The following EGLN1 variants were observed in gnomAD, a reference collection of about 807,000 sequenced individuals.
The protein encoded by EGLN1 is egl-9 family hypoxia inducible factor 1, also known as egl nine homolog 1.
Under a neutral mutation model 38.3 loss-of-function variants are expected in EGLN1, and 17 were observed. The observed-to-expected ratio is 0.44, with a 90% CI of 0.30 to 0.67. The LOEUF is 0.67. Among genes scored for constraint, EGLN1 ranks in the 30% least tolerant of loss-of-function variants. EGLN1 has a pLI of 0.08. For missense variants in EGLN1, 477 were observed against 603.3 expected, an observed-to-expected ratio of 0.79 and a Z score of 2.19; for synonymous variants, 283 against 257.5, an observed-to-expected ratio of 1.10 and a Z score of -0.95.
At chr1:231,391,501 G>A (rs1452801094) in intron 1 of EGLN1, among the ~76,000 whole-genome samples, 1 of 151,998 alleles carries the variant, frequency 6.6e-6, no homozygotes, top group Non-Finnish European at 1.5e-5. Flanking sequence ...AGACATTTCA[G>A]ACAGGATTAA....
chr1:231,366,249 G>A lies in EGLN1; in HGVS notation c.*162C>T. The A allele has an allele frequency of 1.4e-6, 1 of 722,920 alleles. No homozygotes were observed. The highest frequency in any genetic ancestry group is 2.4e-6 in the Non-Finnish European group (1 of 417,170). 44.8% of individuals were successfully genotyped at this position (722,920 alleles called of 1,614,324 possible). A position where few individuals can be genotyped will look rare whatever the true frequency, so the allele number is the denominator to read the frequency against. ...GATCATGCAGTACAAAGTCACAGCA[G>A]TCAAAATCTTCTGTTTGATGCAACA... On this transcript the variant is annotated 3_prime_UTR_variant, in exon 5 of 5. Transcript: ENST00000366641.
chr1:231,366,432 C>T lies in EGLN1; in HGVS notation c.1260G>A (p.Ser420=), dbSNP rs149179666. 3 of 1,613,834 alleles carry T rather than the reference C, an allele frequency of 1.9e-6. No individual in the cohort carries two copies. Among genetic ancestry groups the T allele is most frequent in the Admixed American group, 1.7e-5 (1 of 60,008 alleles). ...VRVELNKPSD[S]VGKDVF ...GGCTCTAGAAGACGTCTTTACCGAC[C>T]GAATCTGAAGGTTTATTGAGTTCAA... The change falls in exon 5 of 5, where the codon TCG becomes TCA. Residue 420 remains serine, a synonymous_variant. Transcript: ENST00000366641.
chr1:231,408,247 C>CT (rs1370876614), intron 1 of EGLN1, among the ~76,000 whole-genome samples: 1 of 152,082 alleles, frequency 6.6e-6, no homozygotes, highest in African/African-American at 2.4e-5. Flanking sequence ...ATCTGCATTG[C>CT]TGGGGAGGAG....
chr1:231,410,309 C>T (rs1217107110), intron 1 of EGLN1, among the ~76,000 whole-genome samples: 1 of 152,160 alleles, frequency 6.6e-6, no homozygotes, highest in Non-Finnish European at 1.5e-5. Context: ...GGGAAGCCCA[C>T]GTGGCAAGAA....
rs765754091 is a variant in EGLN1 at position 231,366,388 on chromosome 1, G to A, written c.*23C>T. 1.6e-5 allele frequency: 25 copies of A among 1,610,230 alleles called. No individual in the cohort carries two copies. The South Asian group carries it at 2.4e-4, about 16-fold the overall frequency. On this transcript the variant is annotated 3_prime_UTR_variant, in exon 5 of 5. Coordinates refer to ENST00000366641, the MANE Select transcript of EGLN1 (RefSeq NM_022051.3). ...TAGTTAACAATATTGTAGGTGAAGT[G>A]GGGTATTGCTGGATCAAAGGCTCTA...
intron 1 of EGLN1, among the ~76,000 whole-genome samples, chr1:231,404,572 G>A (rs762737479): frequency 2.6e-5 from 4 of 151,886 alleles, no homozygotes; most frequent in Non-Finnish European, 5.9e-5. Context: ...GAGGTCATGA[G>A]TTCAAGACCA....
chr1:231,371,390 G>C (rs568461721), intron 2 of EGLN1, among the ~76,000 whole-genome samples: 2 of 152,212 alleles, frequency 1.3e-5, no homozygotes, highest in South Asian at 4.2e-4. Context: ...ATGTCAAATA[G>C]TTTACCATAC....
chr1:231,379,281 C>T (rs1176224124), intron 1 of EGLN1, among the ~76,000 whole-genome samples: 4 of 152,158 alleles, frequency 2.6e-5, no homozygotes, highest in African/African-American at 9.7e-5. Context: ...GCCTAATGCC[C>T]AATTCTCCCA....
rs56105761 is a variant in EGLN1, at chr1:231,396,761, C to G, written c.892-22662G>C. On this transcript the variant is annotated intron_variant, in intron 1 of 4. Transcript: ENST00000366641. ...ATTTGTCTGTCTTCCCTGGCCTTCA[C>G]ATTACTCTTCTTCATGTATTATTTC... Among the ~76,000 whole-genome samples, 997 of 152,316 alleles carry G rather than the reference C, an allele frequency of 6.5e-3. 8 individuals carry two copies. The highest frequency in any genetic ancestry group is 9.9e-3 in the Non-Finnish European group (673 of 68,030).
chr1:231,419,413 G>A (rs559566735), intron 1 of EGLN1, among the ~76,000 whole-genome samples: 9 of 152,206 alleles, frequency 5.9e-5, no homozygotes, highest in Non-Finnish European at 8.8e-5. Context: ...GAAAGATTTG[G>A]GACATCATCT....
At position 231,373,677 on chromosome 1, in the gene EGLN1, CGTGT is replaced by C. The variant is rs60871560; in HGVS notation, c.1011+299_1011+302del. On this transcript the variant is annotated intron_variant, in intron 2 of 4. Transcript: ENST00000366641. ...TTCCCTTCCCCTAACCTCGTGTGTG[CGTGT>C]GTGTGTGTGTGTGTGTGTGTGTATG... Among the ~76,000 whole-genome samples, 379 of 91,144 alleles carry C rather than the reference CGTGT, an allele frequency of 4.2e-3. 1 individual carries two copies. The highest frequency in any genetic ancestry group is 7.1e-3 in the African/African-American group (200 of 28,344). 59.8% of individuals were successfully genotyped at this position (91,144 alleles called of 152,430 possible).
chr1:231,414,253 G>T (rs1689020718), intron 1 of EGLN1, among the ~76,000 whole-genome samples: 1 of 152,152 alleles, frequency 6.6e-6, no homozygotes, highest in Non-Finnish European at 1.5e-5. Flanking sequence ...AACTGCCCAA[G>T]AATGTGCTAG....
intron 1 of EGLN1, among the ~76,000 whole-genome samples, chr1:231,414,583 T>C (rs1689028608): frequency 6.6e-6 from 1 of 151,804 alleles, no homozygotes. Flanking sequence ...TTTAAGAAAA[T>C]TAGGTAGGAG....
chr1:231,402,881 C>G (rs1688697261), intron 1 of EGLN1, among the ~76,000 whole-genome samples: 1 of 150,066 alleles, frequency 6.7e-6, no homozygotes, highest in South Asian at 2.1e-4. Context: ...AAAACCTAGC[C>G]AGTACTGAAT....
intron 1 of EGLN1, among the ~76,000 whole-genome samples, chr1:231,404,621 A>AC (rs2102929442): frequency 6.6e-6 from 1 of 152,172 alleles, no homozygotes; most frequent in East Asian, 1.9e-4. Flanking sequence ...CTAAAAAAAA[A>AC]ATTTTTTTTT....
chr1:231,415,727 C>T (rs1341649589), intron 1 of EGLN1, among the ~76,000 whole-genome samples: 1 of 152,204 alleles, frequency 6.6e-6, no homozygotes, highest in Non-Finnish European at 1.5e-5. Context: ...TATCACTGAA[C>T]ACCATTTTAT....
intron 1 of EGLN1, among the ~76,000 whole-genome samples, chr1:231,419,232 T>C (rs1211216250): frequency 6.6e-6 from 1 of 152,168 alleles, no homozygotes; most frequent in African/African-American, 2.4e-5. Flanking sequence ...ACTAGAACTC[T>C]TGAGGAAGGA....
chr1:231,411,709 G>A (rs1307706251), intron 1 of EGLN1, among the ~76,000 whole-genome samples: 1 of 151,970 alleles, frequency 6.6e-6, no homozygotes, highest in East Asian at 1.9e-4. Context: ...CAAAAGTCCT[G>A]GATAGTAGGC....
At chr1:231,416,735 A>T (rs1689093250) in intron 1 of EGLN1, among the ~76,000 whole-genome samples, 1 of 152,224 alleles carries the variant, frequency 6.6e-6, no homozygotes, top group Admixed American at 6.5e-5. Context: ...TGTAAACTAC[A>T]CATCAACTCA....
Sources: gnomAD v4.1 joint callset for allele counts (sites outside exome capture counted in the v4.1 genomes callset) on GRCh38, gnomAD v4.1.1 for gene constraint, MANE v1.5 for transcripts, NCBI Gene and HGNC (gene_info 2026-07-23, HGNC 2026-07-21) for gene names.